Variants in TFDP2 observed in about 807,000 individuals in gnomAD.
The protein encoded by TFDP2 is transcription factor Dp-2 (E2F dimerization partner 2).
In TFDP2, 17 loss-of-function variants were observed where a neutral mutation model predicts 59.3. The observed-to-expected ratio is 0.29, with a 90% CI of 0.20 to 0.43. TFDP2 has a LOEUF of 0.43. Ranked by LOEUF, TFDP2 falls within the 20% of genes least tolerant of loss-of-function variation. The probability of loss-of-function intolerance (pLI) is 1.00; values close to 1 mark genes in which losing one functional copy is unlikely to be tolerated. For synonymous variants in TFDP2, 180 were observed against 194.7 expected, an observed-to-expected ratio of 0.92 and a Z score of 0.63; for missense variants, 391 against 528.8, an observed-to-expected ratio of 0.74 and a Z score of 2.56.
intron 1 of TFDP2, among the ~76,000 whole-genome samples, chr3:142,114,992 G>T (rs1008823680): frequency 2.0e-5 from 3 of 151,636 alleles, no homozygotes; most frequent in Admixed American, 6.6e-5. Flanking sequence ...AATTATATAT[G>T]CTCATAAGAA....
intron 3 of TFDP2, among the ~76,000 whole-genome samples, chr3:142,092,850 A>G: frequency 6.6e-6 from 1 of 152,232 alleles, no homozygotes; most frequent in East Asian, 1.9e-4. Flanking sequence ...GGGATCTTAG[A>G]GATCTCTTAG....
At chr3:142,128,130 C>T (rs141079203) in intron 1 of TFDP2, among the ~76,000 whole-genome samples, 21 of 152,086 alleles carry the variant, frequency 1.4e-4, no homozygotes, top group Non-Finnish European at 2.5e-4. Flanking sequence ...GCTTAAGCCC[C>T]GGAACTTGAG....
intron 6 of TFDP2, among the ~76,000 whole-genome samples, chr3:141,992,106 G>GA (rs1442112567): frequency 7.0e-6 from 1 of 141,952 alleles, no homozygotes; most frequent in Non-Finnish European, 1.5e-5. Context: ...AAGAAAGAAA[G>GA]AAGAAAAAAA....
At chr3:142,076,165 C>T (rs1179628670) in intron 3 of TFDP2, among the ~76,000 whole-genome samples, 1 of 147,654 alleles carries the variant, frequency 6.8e-6, no homozygotes, top group Admixed American at 6.8e-5. Flanking sequence ...GAGCTGAGAT[C>T]ACACCACTGC....
At chr3:142,108,485 C>T (rs1214935548) in intron 1 of TFDP2, among the ~76,000 whole-genome samples, 31 of 152,178 alleles carry the variant, frequency 2.0e-4, no homozygotes, top group Admixed American at 1.8e-3. Flanking sequence ...GCTAGGATTA[C>T]AGGCATGAGC....
intron 1 of TFDP2, among the ~76,000 whole-genome samples, chr3:142,145,299 G>C (rs2063129487): frequency 6.6e-6 from 1 of 152,160 alleles, no homozygotes; most frequent in Non-Finnish European, 1.5e-5. Flanking sequence ...GAGGTTGCCA[G>C]AAGACTAAAG....
At chr3:142,055,475 A>G (rs1225416389) in intron 3 of TFDP2, among the ~76,000 whole-genome samples, 1 of 152,198 alleles carries the variant, frequency 6.6e-6, no homozygotes, top group Non-Finnish European at 1.5e-5. Context: ...AATCCTCACA[A>G]TAGCCCTTAT....
rs541161387 is a variant in TFDP2, at chr3:142,103,265, A to T, written c.-92-1424T>A. On this transcript the variant is annotated intron_variant, in intron 1 of 12. Transcript: ENST00000489671. ...AAAAAATTAAATAAATAAAAAATTT[A>T]AAAAAAGACTAAAAACATATGAAAA... 2.6e-4 allele frequency among the ~76,000 whole-genome samples: 40 copies of T among 152,040 alleles called. 1 individual carries two copies. Among genetic ancestry groups the T allele is most frequent in the East Asian group, 1.9e-3 (10 of 5,172 alleles).
At chr3:142,050,850 AAAATC>A (rs1214777562) in intron 3 of TFDP2, among the ~76,000 whole-genome samples, 2 of 67,452 alleles carry the variant, frequency 3.0e-5, no homozygotes, top group African/African-American at 1.1e-4. Context: ...TCCATCTCAA[AAAATC>A]AATCAATCAA....
intron 9 of TFDP2, among the ~76,000 whole-genome samples, chr3:141,966,995 C>T (rs921797614): frequency 1.2e-4 from 18 of 149,304 alleles, no homozygotes; most frequent in African/African-American, 4.6e-4. Context: ...CGGCTCACTG[C>T]AACCTCCGCC....
chr3:142,085,106 AG>A (rs2060771266), intron 3 of TFDP2, among the ~76,000 whole-genome samples: 1 of 152,088 alleles, frequency 6.6e-6, no homozygotes, highest in African/African-American at 2.4e-5. Flanking sequence ...TTTTTAGTAG[AG>A]ACAGGGTTTC....
chr3:142,141,604 G>A (rs1002692446), intron 1 of TFDP2, among the ~76,000 whole-genome samples: 3 of 152,078 alleles, frequency 2.0e-5, no homozygotes, highest in African/African-American at 7.2e-5. Context: ...CAGCAGATCA[G>A]TTGAGGCCAG....
intron 1 of TFDP2, among the ~76,000 whole-genome samples, chr3:142,139,514 C>T (rs979167169): frequency 6.6e-6 from 1 of 152,106 alleles, no homozygotes; most frequent in Non-Finnish European, 1.5e-5. Context: ...CCGATTGTTC[C>T]TTTCTACGTT....
chr3:142,037,188 AAT>A, intron 3 of TFDP2, among the ~76,000 whole-genome samples: 1 of 151,576 alleles, frequency 6.6e-6, no homozygotes, highest in Admixed American at 6.6e-5. Flanking sequence ...TTGTTCATTC[AAT>A]CTACACATAT....
intron 3 of TFDP2, among the ~76,000 whole-genome samples, chr3:142,042,630 C>CTTTTTTTTTTTTTTT (rs66981475): frequency 2.5e-4 from 27 of 108,184 alleles, no homozygotes; most frequent in Non-Finnish European, 4.3e-4. Flanking sequence ...CTTTTCTTTT[C>CTTTTTTTTTTTTTTT]TTTTTTTTTT....
At chr3:142,099,627 G>A (rs1473413308) in intron 2 of TFDP2, among the ~76,000 whole-genome samples, 1 of 151,744 alleles carries the variant, frequency 6.6e-6, no homozygotes, top group African/African-American at 2.4e-5. Flanking sequence ...TTGAACCTGG[G>A]AGGCAGAGGT....
chr3:142,024,471 C>G (rs541267461), intron 3 of TFDP2, among the ~76,000 whole-genome samples: 1 of 152,088 alleles, frequency 6.6e-6, no homozygotes, highest in Non-Finnish European at 1.5e-5. Context: ...GAAATATAGG[C>G]ATCAGGCACA....
intron 1 of TFDP2, among the ~76,000 whole-genome samples, chr3:142,131,661 C>T (rs2062505989): frequency 6.7e-6 from 1 of 150,054 alleles, no homozygotes; most frequent in Non-Finnish European, 1.5e-5. Context: ...ACAAAGAATA[C>T]TTAGTAATAA....
intron 4 of TFDP2, among the ~76,000 whole-genome samples, chr3:142,001,891 T>C (rs576674491): frequency 2.9e-4 from 44 of 152,258 alleles, no homozygotes; most frequent in African/African-American, 1.0e-3. Flanking sequence ...TTTTTTGAGA[T>C]AGAGTCTTAC....
Sources: gnomAD v4.1 joint callset for allele counts (sites outside exome capture counted in the v4.1 genomes callset) on GRCh38, gnomAD v4.1.1 for gene constraint, MANE v1.5 for transcripts, NCBI Gene and HGNC (gene_info 2026-07-23, HGNC 2026-07-21) for gene names.